Variants in TMPRSS11F observed in about 807,000 individuals in gnomAD.
TMPRSS11F encodes transmembrane protease serine 11F.
Under a neutral mutation model 60.2 loss-of-function variants are expected in TMPRSS11F, and 47 were observed. The ratio of observed to expected loss-of-function variants is 0.78; its 90% CI spans 0.62 to 1.00. The LOEUF (loss-of-function observed/expected upper bound fraction) is 1.00, where lower values mean the gene tolerates loss of function less well. TMPRSS11F is among the 50% of genes least tolerant of loss of function. TMPRSS11F has a pLI of 0.00. For missense variants in TMPRSS11F, 519 were observed against 522.9 expected, an observed-to-expected ratio of 0.99 and a Z score of 0.07; for synonymous variants, 166 against 167.3, an observed-to-expected ratio of 0.99 and a Z score of 0.06.
rs1451676984 is a variant in TMPRSS11F at position 68,123,114 on chromosome 4, G to A, written c.11+6696C>T. ...CATTATCTTCTGTTGCCACAGTTTC[G>A]TTATAAGTAATGTTTCACATTCTTC... On this transcript the variant is annotated intron_variant, in intron 1 of 9. Transcript: ENST00000356291. Among the ~76,000 whole-genome samples the A allele has an allele frequency of 5.3e-5, 8 of 152,162 alleles. No individual in the cohort carries two copies. The South Asian group carries it at 8.3e-4, about 16-fold the overall frequency.
At chr4:68,076,852 A>G (rs758855619) in intron 3 of TMPRSS11F, among the ~76,000 whole-genome samples, 20 of 152,210 alleles carry the variant, frequency 1.3e-4, no homozygotes, top group Non-Finnish European at 2.6e-4. Context: ...TGGCTCACAA[A>G]GGGAAATAAT....
rs1577940327 is a variant in TMPRSS11F at position 68,126,223 on chromosome 4, A to T, written c.11+3587T>A. 2.6e-5 allele frequency among the ~76,000 whole-genome samples: 4 copies of T among 152,268 alleles called. 1 individual carries two copies. The highest frequency in any genetic ancestry group is 2.6e-4 in the Admixed American group (4 of 15,300). ...TCTGATATGTGTATATACACACAGG[A>T]TATATACAAACACATATGTCTACAT... On this transcript the variant is annotated intron_variant, in intron 1 of 9. Coordinates refer to ENST00000356291, the MANE Select transcript of TMPRSS11F (RefSeq NM_207407.2).
chr4:68,109,714 C>G (rs567154470), intron 1 of TMPRSS11F, among the ~76,000 whole-genome samples: 1 of 152,118 alleles, frequency 6.6e-6, no homozygotes, highest in Non-Finnish European at 1.5e-5. Flanking sequence ...TATAAACATC[C>G]TTTAATAACA....
intron 3 of TMPRSS11F, among the ~76,000 whole-genome samples, chr4:68,082,779 G>T (rs1414369451): frequency 6.6e-6 from 1 of 152,248 alleles, no homozygotes; most frequent in Non-Finnish European, 1.5e-5. Flanking sequence ...TCAGAACACT[G>T]AGAAGAGTGA....
intron 1 of TMPRSS11F, among the ~76,000 whole-genome samples, chr4:68,114,202 T>C (rs973692406): frequency 6.6e-6 from 1 of 151,206 alleles, no homozygotes; most frequent in African/African-American, 2.4e-5. Context: ...CTTAAGACAC[T>C]GGGAAAAAGC....
At chr4:68,083,816 A>C (rs1723753262) in intron 3 of TMPRSS11F, among the ~76,000 whole-genome samples, 1 of 152,186 alleles carries the variant, frequency 6.6e-6, no homozygotes, top group African/African-American at 2.4e-5. Flanking sequence ...CCTCCCCAGC[A>C]ATGTTTCTTA....
intron 1 of TMPRSS11F, among the ~76,000 whole-genome samples, chr4:68,129,240 G>T (rs554797328): frequency 5.3e-5 from 8 of 151,818 alleles, no homozygotes; most frequent in Non-Finnish European, 1.0e-4. Context: ...CAATTATTTT[G>T]GAGTTCAATT....
intron 8 of TMPRSS11F, among the ~76,000 whole-genome samples, chr4:68,060,082 T>C (rs892106394): frequency 6.6e-6 from 1 of 151,894 alleles, no homozygotes; most frequent in African/African-American, 2.4e-5. Context: ...AAGCTATTGG[T>C]GAGTAGCCCT....
intron 3 of TMPRSS11F, among the ~76,000 whole-genome samples, chr4:68,077,828 C>T (rs1040083028): frequency 6.6e-6 from 1 of 152,218 alleles, no homozygotes; most frequent in African/African-American, 2.4e-5. Context: ...GTGCAAGGAA[C>T]ACCAGGCTTT....
rs750965218 is a variant in TMPRSS11F, at chr4:68,072,457, A to G, written c.380T>C (p.Ile127Thr). The G allele has an allele frequency of 7.6e-6, 12 of 1,583,372 alleles. No individual in the cohort carries two copies. The highest frequency in any genetic ancestry group is 3.5e-5 in the South Asian group (3 of 85,710). ...AGATGGGTATCGAAATATGAGCACT[A>G]TAAGAATATCCACACCTTGTTCATC... ...SPDEQGVDIL[I>T]VLIFRYPSTD... The change falls in exon 5 of 10, where the codon ATA becomes ACA. Residue 127 changes from isoleucine (I) to threonine (T), a missense_variant. Coordinates refer to ENST00000356291, the MANE Select transcript of TMPRSS11F (RefSeq NM_207407.2).
At chr4:68,103,406 C>T (rs186488422) in intron 1 of TMPRSS11F, among the ~76,000 whole-genome samples, 87 of 151,640 alleles carry the variant, frequency 5.7e-4, no homozygotes, top group African/African-American at 1.9e-3. Context: ...TGATCATGCC[C>T]CTGCACTTCA....
intron 3 of TMPRSS11F, among the ~76,000 whole-genome samples, chr4:68,074,914 T>C (rs1342979954): frequency 6.6e-6 from 1 of 152,114 alleles, no homozygotes; most frequent in Non-Finnish European, 1.5e-5. Flanking sequence ...CTGGGCAACA[T>C]GGCAAACTCC....
At chr4:68,075,412 A>G (rs1723562791) in intron 3 of TMPRSS11F, among the ~76,000 whole-genome samples, 1 of 152,098 alleles carries the variant, frequency 6.6e-6, no homozygotes, top group Admixed American at 6.6e-5. Context: ...CCCTGCCTCA[A>G]GTTCAATATT....
At chr4:68,058,687 G>A (rs1211266085) in intron 9 of TMPRSS11F, among the ~76,000 whole-genome samples, 1 of 152,174 alleles carries the variant, frequency 6.6e-6, no homozygotes, top group East Asian at 1.9e-4. Flanking sequence ...AGGACACAAG[G>A]AATGTACATG....
At chr4:68,062,778 C>T in intron 8 of TMPRSS11F, 1 of 745,432 alleles carries the variant, frequency 1.3e-6, no homozygotes, top group Admixed American at 1.7e-5. Context: ...TTTGGCCGCC[C>T]TCTGCGGATG....
At chr4:68,091,232 G>C (rs1723923607) in intron 2 of TMPRSS11F, among the ~76,000 whole-genome samples, 1 of 151,844 alleles carries the variant, frequency 6.6e-6, no homozygotes, top group Admixed American at 6.6e-5. Context: ...TGATTTCCTT[G>C]TAGCCTTCAT....
chr4:68,099,282 T>C (rs1193582499), intron 1 of TMPRSS11F, among the ~76,000 whole-genome samples: 1 of 152,190 alleles, frequency 6.6e-6, no homozygotes, highest in African/African-American at 2.4e-5. Context: ...CCCACGGCAT[T>C]TTATCCGGCT....
chr4:68,062,704 G>T lies in TMPRSS11F; in HGVS notation c.1015+1981C>A, dbSNP rs376268315. ...TGCTTTTGTTATACACAGACAGCAT[G>T]AGTGTCACATGAGAAAGCTGAAATA... On this transcript the variant is annotated intron_variant, in intron 8 of 9. Coordinates refer to ENST00000356291, the MANE Select transcript of TMPRSS11F (RefSeq NM_207407.2). 20 of 747,134 alleles carry T rather than the reference G, an allele frequency of 2.7e-5. No individual in the cohort carries two copies. In the African/African-American group the frequency reaches 2.9e-4, roughly 11 times the overall value. The allele number at this position is 747,134 out of a possible 1,614,324, so 46.3% of individuals were successfully genotyped here.
chr4:68,126,230 C>A (rs531849050), intron 1 of TMPRSS11F, among the ~76,000 whole-genome samples: 34 of 152,136 alleles, frequency 2.2e-4, no homozygotes, highest in Middle Eastern at 3.4e-3. Flanking sequence ...AGGATATATA[C>A]AAACACATAT....
Sources: allele counts gnomAD v4.1 joint callset (sites outside exome capture counted in the v4.1 genomes callset), GRCh38; gene constraint gnomAD v4.1.1; transcripts MANE v1.5; gene names NCBI Gene and HGNC (gene_info 2026-07-23, HGNC 2026-07-21).